DYNC2H1: variants seen among roughly 807,000 people sequenced by gnomAD.
The protein encoded by DYNC2H1 is dynein cytoplasmic 2 heavy chain 1.
A neutral mutation model predicts 570.0 loss-of-function variants in DYNC2H1; 410 were observed. That is an observed-to-expected ratio of 0.72 (90% CI 0.66 to 0.78). The LOEUF is 0.78. DYNC2H1 is among the 30% of genes least tolerant of loss of function. The pLI, the probability that DYNC2H1 is intolerant of heterozygous loss-of-function variation, is 0.00. For synonymous variants in DYNC2H1, 1,688 were observed against 1,677.6 expected (o/e 1.01, Z -0.15); for missense variants, 4,865 against 5,046.4 (o/e 0.96, Z 1.09).
chr11:103,138,862 AAGCTATTG>A (rs1171285927), intron 17 of DYNC2H1, among the ~76,000 whole-genome samples: 51 of 152,036 alleles, frequency 3.4e-4, no homozygotes, highest in African/African-American at 1.2e-3. Context: ...TTTGGTTGGT[AAGCTATTG>A]ATTATTGCCA....
Position 103,192,242 on chromosome 11 carries a change from A to G in DYNC2H1, c.7686A>G (p.Ser2562=). The G allele has an allele frequency of 6.4e-7, 1 of 1,564,334 alleles. No individual in the cohort carries two copies. Among genetic ancestry groups the G allele is most frequent in the South Asian group, 1.2e-5 (1 of 81,074 alleles). The change falls in exon 47 of 89, where the codon TCA becomes TCG. Residue 2562 remains serine (S), a synonymous_variant. Transcript: ENST00000375735. ...CAGTGTTTCAAGGAGATTGGGGCTC[A>G]GACATATTAGACAATATGTCAGGTA... ...LTSVFQGDWG[S]DILDNMSDSF...
intron 30 of DYNC2H1, among the ~76,000 whole-genome samples, chr11:103,165,425 G>A (rs74855729): frequency 9.9e-5 from 15 of 152,240 alleles, no homozygotes; most frequent in Non-Finnish European, 1.5e-4. Flanking sequence ...CACCGCACCC[G>A]GCCAAGGCAG....
intron 83 of DYNC2H1, among the ~76,000 whole-genome samples, chr11:103,359,089 C>G (rs1940505390): frequency 6.6e-6 from 1 of 152,186 alleles, no homozygotes; most frequent in South Asian, 2.1e-4. Context: ...AGATTAGAGT[C>G]TACTCTGTAG....
chr11:103,190,211 A>G (rs1021646266), intron 45 of DYNC2H1, among the ~76,000 whole-genome samples: 8 of 152,140 alleles, frequency 5.3e-5, no homozygotes, highest in African/African-American at 1.9e-4. Flanking sequence ...CTGTGAGGAA[A>G]TGTCTAAAGT....
Position 103,177,701 on chromosome 11 carries a change from C to T in DYNC2H1, c.6020C>T (p.Thr2007Ile), listed in dbSNP as rs1861681014. 2 of 1,613,438 alleles carry T rather than the reference C, an allele frequency of 1.2e-6. No homozygotes were observed. The highest frequency in any genetic ancestry group is 1.7e-6 in the Non-Finnish European group (2 of 1,179,684). Reference sequence around the variant, plus strand: ...ACTGGCAAAGTAGTGAAACAATATACTATGAATCCCAAAGCTATGCCTCGA... The same window carrying T: ...ACTGGCAAAGTAGTGAAACAATATATTATGAATCCCAAAGCTATGCCTCGA... ...CKTGKVVKQY[T>I]MNPKAMPRYQ... The change falls in exon 38 of 89, where the codon ACT (threonine) becomes ATT (isoleucine). Residue 2007 changes from threonine (T) to isoleucine (I), a missense_variant. Physicochemically the swap from Thr to Ile is moderately conservative, Grantham distance 89. Around this residue, in one of 5 missense-constraint regions of DYNC2H1, gnomAD observed 231 missense variants for 310.3 expected, o/e 0.74. Coordinates refer to ENST00000375735, the MANE Select transcript of DYNC2H1 (RefSeq NM_001377.3). The surrounding 1 kb of genome is among the most constrained non-coding windows in gnomAD (Gnocchi z 4.4).
intron 82 of DYNC2H1, among the ~76,000 whole-genome samples, chr11:103,340,984 A>G (rs2135484638): frequency 6.6e-6 from 1 of 152,260 alleles, no homozygotes; most frequent in East Asian, 1.9e-4. Context: ...TTTGGGCATT[A>G]AGTATATAAA....
chr11:103,325,904 G>C lies in DYNC2H1; in HGVS notation c.12039+1914G>C, dbSNP rs1291730960. Among the ~76,000 whole-genome samples the C allele has an allele frequency of 6.6e-6, 1 of 152,154 alleles. No individual in the cohort carries two copies. Among genetic ancestry groups the C allele is most frequent in the East Asian group, 1.9e-4 (1 of 5,176 alleles). On this transcript the variant is annotated intron_variant, in intron 82 of 88. Transcript: ENST00000375735. This position sits in a 1 kb window ranked among gnomAD's most constrained non-coding sequence, Gnocchi z 4.8. ...TAGTGGGCTCCTTTGAAGGTAAGGG[G>C]ACACTGGCTTTTTGAATTGCCAGAG...
chr11:103,113,759 T>C (rs1457147846), intron 2 of DYNC2H1, 52 bp downstream of exon 2: 1 of 1,344,238 alleles, frequency 7.4e-7, no homozygotes, highest in African/African-American at 1.5e-5. Context: ...GATAAATGTT[T>C]TCATATAAAC....
intron 59 of DYNC2H1, among the ~76,000 whole-genome samples, chr11:103,229,170 G>A (rs1863909612): frequency 2.0e-5 from 3 of 152,196 alleles, no homozygotes; most frequent in African/African-American, 7.2e-5. Context: ...GCCTTCTGTT[G>A]AGAAAGCAAG....
Position 103,139,315 on chromosome 11 carries a change from A to G in DYNC2H1, c.2574+3367A>G, listed in dbSNP as rs990833941. On this transcript the variant is annotated intron_variant, in intron 17 of 88. Coordinates refer to ENST00000375735, the MANE Select transcript of DYNC2H1 (RefSeq NM_001377.3). ...TTTTAATTGTGATGTTAGGGTGTCA[A>G]TTTTGGATCTTTCCTGCTTTCTCTT... is the stretch of plus-strand genomic sequence containing the variant. 5.4e-5 allele frequency among the ~76,000 whole-genome samples: 8 copies of G among 148,974 alleles called. No homozygotes were observed. In the East Asian group the frequency reaches 9.9e-4, roughly 18 times the overall value.
At chr11:103,141,237 C>T (rs980289026) in intron 17 of DYNC2H1, among the ~76,000 whole-genome samples, 12 of 152,302 alleles carry the variant, frequency 7.9e-5, no homozygotes, top group South Asian at 2.1e-4. Flanking sequence ...AGCTTTGTTC[C>T]GTTACTGGTG....
chr11:103,219,890 G>T, intron 55 of DYNC2H1, 25 bp from the exon 56 acceptor site: 1 of 1,308,440 alleles, frequency 7.6e-7, no homozygotes. Context: ...AAATTGATTG[G>T]AATGCCACTT....
chr11:103,150,075 TA>T (rs1860460438), intron 20 of DYNC2H1, among the ~76,000 whole-genome samples: 1 of 152,192 alleles, frequency 6.6e-6, no homozygotes, highest in Admixed American at 6.5e-5. Flanking sequence ...GAGAGTTAAT[TA>T]TTAAAAGAGC....
chr11:103,269,397 G>A (rs1295692714), intron 70 of DYNC2H1, among the ~76,000 whole-genome samples: 1 of 152,058 alleles, frequency 6.6e-6, no homozygotes, highest in African/African-American at 2.4e-5. Flanking sequence ...AAGCTTTTAG[G>A]GTTTTTAGCA....
intron 75 of DYNC2H1, among the ~76,000 whole-genome samples, chr11:103,302,267 G>GTGA (rs1867080824): frequency 6.6e-6 from 1 of 151,994 alleles, no homozygotes; most frequent in Non-Finnish European, 1.5e-5. Flanking sequence ...AATTAATATA[G>GTGA]TGATATTTGT....
At chr11:103,469,942 T>C (rs1025074910) in intron 88 of DYNC2H1, among the ~76,000 whole-genome samples, 5 of 151,978 alleles carry the variant, frequency 3.3e-5, no homozygotes, top group Non-Finnish European at 5.9e-5. Context: ...CAGAGATAAA[T>C]TCCAACGAAT....
chr11:103,327,204 A>C (rs1459383226), intron 82 of DYNC2H1, among the ~76,000 whole-genome samples: 2 of 151,766 alleles, frequency 1.3e-5, no homozygotes, highest in African/African-American at 2.4e-5. Context: ...AGATCTGCCC[A>C]AATTTTGTTG....
chr11:103,405,184 CA>C (rs1048228566), intron 84 of DYNC2H1: 2 of 151,638 alleles, frequency 1.3e-5, no homozygotes, highest in Non-Finnish European at 2.9e-5. Context: ...CCTCCCCTAG[CA>C]GGGTCAAAAA....
chr11:103,266,505 G>C (rs539469820), intron 70 of DYNC2H1, among the ~76,000 whole-genome samples: 6 of 152,146 alleles, frequency 3.9e-5, no homozygotes, highest in Admixed American at 3.3e-4. Flanking sequence ...AGCCACTAGC[G>C]GGGGTGGGGC....
Sources: gnomAD v4.1 joint callset for allele counts (sites outside exome capture counted in the v4.1 genomes callset) on GRCh38, gnomAD v4.1.1 for gene constraint, gnomAD v4.1.1 regional missense constraint, Gnocchi (gnomAD v3.1) non-coding constraint, MANE v1.5 for transcripts, NCBI Gene and HGNC (gene_info 2026-07-23, HGNC 2026-07-21) for gene names.